USP47: variants seen among roughly 807,000 people sequenced by gnomAD.
USP47 encodes ubiquitin specific peptidase 47, also known as ubiquitin carboxyl-terminal hydrolase 47.
Under a neutral mutation model 165.1 loss-of-function variants are expected in USP47, and 35 were observed. That is an observed-to-expected ratio of 0.21 (90% CI 0.16 to 0.28). The LOEUF (loss-of-function observed/expected upper bound fraction) is 0.28. Among genes scored for constraint, USP47 ranks in the 10% least tolerant of loss-of-function variants. The pLI is 1.00. For synonymous variants in USP47, 531 were observed against 544.5 expected, an observed-to-expected ratio of 0.98 and a Z score of 0.35; for missense variants, 1,277 against 1,607.4, an observed-to-expected ratio of 0.79 and a Z score of 3.52.
chr11:11,933,165 C>T (rs779229204), intron 15 of USP47, 49 bp downstream of exon 15: 95 of 1,437,214 alleles, frequency 6.6e-5, no homozygotes, highest in East Asian at 1.6e-4. Context: ...TTTTTAAGCT[C>T]GCTTACCTGC....
chr11:11,873,480 G>T (rs1010456436), intron 1 of USP47, among the ~76,000 whole-genome samples: 19 of 152,146 alleles, frequency 1.2e-4, no homozygotes, highest in African/African-American at 4.1e-4. Context: ...GTTTCCTTTA[G>T]TGCAGAGAAC....
chr11:11,904,524 A>G (rs956558788), intron 7 of USP47, among the ~76,000 whole-genome samples: 2 of 152,170 alleles, frequency 1.3e-5, no homozygotes, highest in African/African-American at 2.4e-5. Context: ...GTAACTATGT[A>G]GATGGTATTG....
chr11:11,900,154 CTT>C (rs1042565841), intron 5 of USP47, among the ~76,000 whole-genome samples: 31 of 99,072 alleles, frequency 3.1e-4, no homozygotes, highest in African/African-American at 1.0e-3. Flanking sequence ...ATTTTCTTCA[CTT>C]TTTTTTTTTT....
rs1452657952 is a variant in USP47, at chr11:11,957,872, T to C, written c.*1697T>C. The C allele has an allele frequency of 6.6e-6, 1 of 152,150 alleles. No homozygotes were observed. The highest frequency in any genetic ancestry group is 2.4e-5 in the African/African-American group (1 of 41,430). The allele number at this position is 152,150 out of a possible 1,614,324, so 9.4% of individuals were successfully genotyped here. The stretch of plus-strand genomic sequence containing the variant: ...GAAAAAAAAAATCTTTTCTAAGGTA[T>C]TTTTCTGGCTAATTTTTATTTGAAG... On this transcript the variant is annotated 3_prime_UTR_variant, in exon 28 of 28. Coordinates refer to ENST00000527733, the MANE Select transcript of USP47 (RefSeq NM_001282659.2).
chr11:11,849,913 A>G (rs1363172288), intron 1 of USP47, among the ~76,000 whole-genome samples: 1 of 152,202 alleles, frequency 6.6e-6, no homozygotes, highest in Admixed American at 6.5e-5. Context: ...TGAGTCAGAA[A>G]TAATTTTTTC....
intron 1 of USP47, among the ~76,000 whole-genome samples, chr11:11,872,868 T>A (rs1213385503): frequency 6.6e-6 from 1 of 152,230 alleles, no homozygotes; most frequent in African/African-American, 2.4e-5. Context: ...AAATGCCCAT[T>A]AATAGCAGAT....
chr11:11,884,510 A>G lies in USP47; in HGVS notation c.287A>G (p.Asn96Ser). The change falls in exon 3 of 28, where the codon AAT (asparagine) becomes AGT (serine). Residue 96 changes from asparagine (N) to serine (S), a missense_variant. Transcript: ENST00000527733. ...HTSDKSLLDA[N>S]FEPGKKNFLH... ...AGTGACAAGTCACTTCTCGACGCTA[A>G]TTTTGAGCCAGGAAAGAAGAACTTT... is the stretch of plus-strand genomic sequence containing the variant. 6.2e-7 allele frequency: 1 copy of G among 1,612,058 alleles called. No individual in the cohort carries two copies. The highest frequency in any genetic ancestry group is 8.5e-7 in the Non-Finnish European group (1 of 1,179,316).
intron 1 of USP47, among the ~76,000 whole-genome samples, chr11:11,876,945 T>C (rs1850463720): frequency 6.6e-6 from 1 of 152,214 alleles, no homozygotes; most frequent in Admixed American, 6.5e-5. Context: ...TTTTGCTATC[T>C]TTAATCCACC....
chr11:11,934,022 T>C lies in USP47; in HGVS notation c.1869+87T>C, dbSNP rs905685873. On this transcript the variant is annotated intron_variant, in intron 16 of 27. Transcript: ENST00000527733. ...AAGTTTTTATAATGGATAATAGTTATATAAACACTGGCAGTAACCTTGGTA... is the reference window on the plus strand; with the variant it reads ...AAGTTTTTATAATGGATAATAGTTACATAAACACTGGCAGTAACCTTGGTA... 14 of 927,316 alleles carry C rather than the reference T, an allele frequency of 1.5e-5. No individual in the cohort carries two copies. The East Asian group carries it at 2.6e-4, about 17-fold the overall frequency. The allele number at this position is 927,316 out of a possible 1,614,324, so 57.4% of individuals were successfully genotyped here. A position where few individuals can be genotyped will look rare whatever the true frequency, so the allele number is the denominator to read the frequency against.
chr11:11,911,533 A>G (rs539088228), intron 8 of USP47, among the ~76,000 whole-genome samples: 5 of 152,314 alleles, frequency 3.3e-5, no homozygotes, highest in African/African-American at 1.2e-4. Context: ...ACATTGTAAT[A>G]AAAGTGTCAA....
At chr11:11,863,941 C>A (rs908739325) in intron 1 of USP47, among the ~76,000 whole-genome samples, 9 of 152,122 alleles carry the variant, frequency 5.9e-5, no homozygotes, top group African/African-American at 2.2e-4. Context: ...CTGCAAAGAC[C>A]TCTAGGTTCT....
chr11:11,897,499 T>C, intron 4 of USP47, 98 bp from the exon 5 acceptor site: 1 of 924,024 alleles, frequency 1.1e-6, no homozygotes, highest in Non-Finnish European at 1.6e-6. Flanking sequence ...GTAGTAACTT[T>C]AACCTCTGAA....
rs1856557600 is a variant in USP47, at chr11:11,956,333, T to A, written c.*158T>A. The A allele has an allele frequency of 1.7e-6, 1 of 602,988 alleles. No homozygotes were observed. The highest frequency in any genetic ancestry group is 2.8e-6 in the Non-Finnish European group (1 of 357,664). 37.4% of individuals were successfully genotyped at this position (602,988 alleles called of 1,614,324 possible). ...CACCAATCAGAAGCTCAGTGCCCAA[T>A]GGGCCACTGTTTTGACTCGGAATCA... On this transcript the variant is annotated 3_prime_UTR_variant, in exon 28 of 28. Transcript: ENST00000527733.
intron 1 of USP47, chr11:11,873,801 A>C (rs988752630): frequency 6.8e-7 from 1 of 1,471,306 alleles, no homozygotes; most frequent in African/African-American, 1.4e-5. Flanking sequence ...ATACCATAGG[A>C]TGTGTTTTGG....
intron 1 of USP47, 65 bp downstream of exon 1, chr11:11,842,289 C>T: frequency 6.6e-7 from 1 of 1,512,898 alleles, no homozygotes; most frequent in South Asian, 1.2e-5. Flanking sequence ...CAGGCCCGGG[C>T]CGGGGTTCGG....
intron 1 of USP47, among the ~76,000 whole-genome samples, chr11:11,862,024 C>CT (rs35753812): frequency 0.12 from 16,931 of 140,178 alleles, 2,752 homozygotes; most frequent in African/African-American, 0.38. Flanking sequence ...GGTACAAAGT[C>CT]TTTTTTTTTT....
At chr11:11,874,114 T>C (rs1181362713) in intron 1 of USP47, among the ~76,000 whole-genome samples, 1 of 152,230 alleles carries the variant, frequency 6.6e-6, no homozygotes, top group Non-Finnish European at 1.5e-5. Context: ...TTGGGTATGA[T>C]AGTTGCCTAT....
At chr11:11,933,632 A>T (rs574591022) in intron 15 of USP47, among the ~76,000 whole-genome samples, 199 bp from the exon 16 acceptor site, 1 of 152,214 alleles carries the variant, frequency 6.6e-6, no homozygotes, top group Non-Finnish European at 1.5e-5. Flanking sequence ...CAGTTGTTAA[A>T]ATTAATGTTT....
Position 11,952,745 on chromosome 11 carries a change from A to G in USP47, c.3588A>G (p.Val1196=), listed in dbSNP as rs1434115823. 1 of 1,598,206 alleles carries G rather than the reference A, an allele frequency of 6.3e-7. No individual in the cohort carries two copies. Among genetic ancestry groups the G allele is most frequent in the Non-Finnish European group, 8.5e-7 (1 of 1,172,004 alleles). Residue 1196 remains valine (V), a synonymous_variant, in exon 25 of 28, where the codon GTA becomes GTG. Coordinates refer to ENST00000527733, the MANE Select transcript of USP47 (RefSeq NM_001282659.2). Reference sequence around the variant, plus strand: ...CCTAATCTTGCATATTCTTAGGGGTAGAGAAGATGAAGTCCATGTCACAGC... The same window carrying G: ...CCTAATCTTGCATATTCTTAGGGGTGGAGAAGATGAAGTCCATGTCACAGC... The part of the protein sequence containing the change: ...WEVFLEVLDG[V]EKMKSMSQLA...
Sources: gnomAD v4.1 joint callset for allele counts (sites outside exome capture counted in the v4.1 genomes callset) on GRCh38, gnomAD v4.1.1 for gene constraint, MANE v1.5 for transcripts, NCBI Gene and HGNC (gene_info 2026-07-23, HGNC 2026-07-21) for gene names.